Variants in DLGAP2 observed in about 807,000 individuals in gnomAD.
DLGAP2 encodes DLG associated protein 2, also known as disks large-associated protein 2.
In DLGAP2, 26 loss-of-function variants were observed where a neutral mutation model predicts 100.3. That is an observed-to-expected ratio of 0.26 (90% CI 0.19 to 0.36). DLGAP2 has a LOEUF of 0.36. Among genes scored for constraint, DLGAP2 ranks in the 10% least tolerant of loss-of-function variants. The probability of loss-of-function intolerance (pLI) is 1.00; values close to 1 mark genes in which losing one functional copy is unlikely to be tolerated. For synonymous variants in DLGAP2, 886 were observed against 630.1 expected (o/e 1.41, Z -6.08); for missense variants, 1,858 against 1,453.2 (o/e 1.28, Z -4.53).
chr8:908,104 C>T (rs1169623270), intron 2 of DLGAP2, 138 bp downstream of exon 2: 1 of 393,038 alleles, frequency 2.5e-6, no homozygotes, highest in Admixed American at 4.4e-5. Flanking sequence ...TGCGTATTAA[C>T]TAACTGTAAG....
At chr8:1,460,990 C>T (rs544631450) in intron 3 of DLGAP2, among the ~76,000 whole-genome samples, 8 of 152,348 alleles carry the variant, frequency 5.3e-5, no homozygotes, top group Admixed American at 1.3e-4. Context: ...TGGGTTTCTG[C>T]CTCCATAAAC....
At chr8:985,064 C>G (rs1418565945) in intron 2 of DLGAP2, among the ~76,000 whole-genome samples, 1 of 152,178 alleles carries the variant, frequency 6.6e-6, no homozygotes, top group Non-Finnish European at 1.5e-5. Context: ...TTATAAAGAG[C>G]CTCAGAGTTT....
chr8:1,307,320 A>G (rs1183391696), intron 3 of DLGAP2, among the ~76,000 whole-genome samples: 1 of 152,256 alleles, frequency 6.6e-6, no homozygotes, highest in Admixed American at 6.5e-5. Flanking sequence ...GGAAATGCCA[A>G]CACACATTAG....
intron 1 of DLGAP2, among the ~76,000 whole-genome samples, chr8:813,898 C>T (rs1287608035): frequency 6.6e-6 from 1 of 152,116 alleles, no homozygotes; most frequent in East Asian, 1.9e-4. Context: ...AAGCAGGACT[C>T]CTGTCTGCAC....
intron 3 of DLGAP2, among the ~76,000 whole-genome samples, chr8:1,463,361 A>G (rs779682857): frequency 4.6e-5 from 7 of 152,274 alleles, no homozygotes; most frequent in Non-Finnish European, 1.0e-4. Flanking sequence ...TACGTGTGTC[A>G]TAAAATACAT....
At chr8:1,010,286 G>A (rs1312089633) in intron 2 of DLGAP2, among the ~76,000 whole-genome samples, 1 of 141,256 alleles carries the variant, frequency 7.1e-6, no homozygotes, top group Non-Finnish European at 1.5e-5. Context: ...TCTCACATAT[G>A]TGTGTACACT....
At chr8:1,106,239 A>G (rs1804763996) in intron 2 of DLGAP2, among the ~76,000 whole-genome samples, 1 of 149,922 alleles carries the variant, frequency 6.7e-6, no homozygotes, top group African/African-American at 2.5e-5. Flanking sequence ...GAACCATTCT[A>G]GGAGGGTTTT....
chr8:1,337,027 T>C (rs1039898275), intron 3 of DLGAP2, among the ~76,000 whole-genome samples: 4 of 152,164 alleles, frequency 2.6e-5, no homozygotes, highest in African/African-American at 7.2e-5. Context: ...AGAATAGTCA[T>C]TGGTGATCAG....
intron 5 of DLGAP2, among the ~76,000 whole-genome samples, chr8:1,554,786 G>A (rs1054354615): frequency 1.1e-4 from 15 of 131,676 alleles, no homozygotes; most frequent in East Asian, 2.3e-4. Flanking sequence ...CCTCCCCCGC[G>A]CCCACCACCC....
At chr8:1,062,946 A>G (rs1803130703) in intron 2 of DLGAP2, among the ~76,000 whole-genome samples, 3 of 152,176 alleles carry the variant, frequency 2.0e-5, no homozygotes, top group South Asian at 4.1e-4. Context: ...TCCATTTGCT[A>G]TAGCAAAGAT....
chr8:1,222,688 G>A (rs989498086), intron 2 of DLGAP2, among the ~76,000 whole-genome samples: 2 of 152,150 alleles, frequency 1.3e-5, no homozygotes, highest in Non-Finnish European at 2.9e-5. Context: ...AAAGCTGTGG[G>A]TGGGTGTGCA....
intron 1 of DLGAP2, among the ~76,000 whole-genome samples, chr8:819,503 G>C (rs913504827): frequency 4.6e-5 from 7 of 152,024 alleles, no homozygotes; most frequent in Admixed American, 3.9e-4. Context: ...CTACTATCTT[G>C]GGAAAATATA....
At chr8:1,357,280 G>T (rs1405151707) in intron 3 of DLGAP2, among the ~76,000 whole-genome samples, 1 of 152,024 alleles carries the variant, frequency 6.6e-6, no homozygotes, top group Non-Finnish European at 1.5e-5. Flanking sequence ...TGTCCTTCAG[G>T]GCAGTGCTTC....
chr8:1,295,070 A>G (rs978322696), intron 3 of DLGAP2, among the ~76,000 whole-genome samples: 15 of 152,244 alleles, frequency 9.9e-5, no homozygotes, highest in African/African-American at 3.6e-4. Flanking sequence ...TTTAAAAGGC[A>G]AACAGCAAAC....
intron 3 of DLGAP2, among the ~76,000 whole-genome samples, chr8:1,457,340 G>C (rs933171368): frequency 6.6e-6 from 1 of 152,134 alleles, no homozygotes. Flanking sequence ...GTCTCCACTA[G>C]ATTTCTTCAT....
intron 2 of DLGAP2, among the ~76,000 whole-genome samples, chr8:1,123,751 C>A (rs1224909388): frequency 2.0e-5 from 3 of 152,154 alleles, no homozygotes; most frequent in African/African-American, 7.2e-5. Context: ...CTTTCTCTCA[C>A]CACCTTCCTG....
chr8:883,748 G>GT (rs1470476417), intron 1 of DLGAP2, among the ~76,000 whole-genome samples: 1 of 152,168 alleles, frequency 6.6e-6, no homozygotes, highest in East Asian at 1.9e-4. Context: ...TGCTGTGGTG[G>GT]TTTGCTGCAC....
intron 2 of DLGAP2, among the ~76,000 whole-genome samples, chr8:1,022,059 G>C (rs542156926): frequency 1.3e-5 from 2 of 152,322 alleles, no homozygotes; most frequent in East Asian, 3.9e-4. Flanking sequence ...CCTGCAAAGA[G>C]CATGTTGGTT....
chr8:923,163 T>C (rs915592981), intron 2 of DLGAP2, among the ~76,000 whole-genome samples: 1 of 152,128 alleles, frequency 6.6e-6, no homozygotes, highest in Admixed American at 6.5e-5. Context: ...TGTCATAATG[T>C]CTGTGAATGA....
Sources: gnomAD v4.1 joint callset for allele counts (sites outside exome capture counted in the v4.1 genomes callset) on GRCh38, gnomAD v4.1.1 for gene constraint, MANE v1.5 for transcripts, NCBI Gene and HGNC (gene_info 2026-07-23, HGNC 2026-07-21) for gene names.